SDK1: variants seen among roughly 807,000 people sequenced by gnomAD.
The protein encoded by SDK1 is sidekick cell adhesion molecule 1, also known as protein sidekick-1.
A neutral mutation model predicts 245.5 loss-of-function variants in SDK1; 157 were observed. That is an observed-to-expected ratio of 0.64 (90% CI 0.56 to 0.73). The LOEUF (loss-of-function observed/expected upper bound fraction) is 0.73, where lower values mean the gene tolerates loss of function less well. SDK1 is among the 30% of genes least tolerant of loss of function. SDK1 has a pLI of 0.00. For synonymous variants in SDK1, 1,647 were observed against 1,278.5 expected, an observed-to-expected ratio of 1.29 and a Z score of -6.15; for missense variants, 3,583 against 3,002.3, an observed-to-expected ratio of 1.19 and a Z score of -4.52.
chr7:3,926,285 A>G (rs903268735), intron 5 of SDK1, among the ~76,000 whole-genome samples: 6 of 152,328 alleles, frequency 3.9e-5, no homozygotes, highest in African/African-American at 1.4e-4. Flanking sequence ...TGGGGCTGTC[A>G]TGAGCAATGA....
chr7:4,017,033 T>A (rs865818129), intron 16 of SDK1, 138 bp from the exon 17 acceptor site: 7 of 710,540 alleles, frequency 9.9e-6, no homozygotes, highest in Middle Eastern at 4.3e-4. Context: ...GGAAATAGTA[T>A]TGTTTAGGGC....
chr7:3,310,491 G>A (rs1479306509), intron 1 of SDK1, among the ~76,000 whole-genome samples: 1 of 152,140 alleles, frequency 6.6e-6, no homozygotes. Flanking sequence ...AAATACATGG[G>A]ATTTGGTCAT....
At chr7:3,924,789 CAT>C (rs1779711109) in intron 5 of SDK1, among the ~76,000 whole-genome samples, 1 of 152,290 alleles carries the variant, frequency 6.6e-6, no homozygotes, top group East Asian at 1.9e-4. Flanking sequence ...TCCTAGCTGT[CAT>C]AGCTCTTCCC....
At chr7:3,512,915 T>A (rs1476880787) in intron 1 of SDK1, among the ~76,000 whole-genome samples, 1 of 152,174 alleles carries the variant, frequency 6.6e-6, no homozygotes, top group East Asian at 1.9e-4. Flanking sequence ...CATTCACCTA[T>A]TCTTAGAAAT....
At chr7:3,647,498 C>G (rs1269449792) in intron 4 of SDK1, among the ~76,000 whole-genome samples, 1 of 152,186 alleles carries the variant, frequency 6.6e-6, no homozygotes, top group African/African-American at 2.4e-5. Context: ...ATGATCTCAG[C>G]TCACTGCAAC....
intron 1 of SDK1, among the ~76,000 whole-genome samples, chr7:3,353,817 A>T (rs1390342842): frequency 1.1e-5 from 1 of 89,814 alleles, no homozygotes; most frequent in African/African-American, 3.2e-5. Context: ...TAGAAAAAGC[A>T]GCCTCCCATG....
At chr7:3,788,283 G>T (rs903849031) in intron 4 of SDK1, among the ~76,000 whole-genome samples, 3 of 152,164 alleles carry the variant, frequency 2.0e-5, no homozygotes, top group Non-Finnish European at 4.4e-5. Flanking sequence ...CAGAAACCTG[G>T]TCTCACCTTG....
chr7:3,746,106 C>A (rs1167289345), intron 4 of SDK1, among the ~76,000 whole-genome samples: 2 of 152,134 alleles, frequency 1.3e-5, no homozygotes, highest in African/African-American at 2.4e-5. Context: ...GGGTTTGCTC[C>A]AGACTACCCC....
intron 5 of SDK1, among the ~76,000 whole-genome samples, chr7:3,823,869 A>T (rs918726425): frequency 6.6e-6 from 1 of 152,120 alleles, no homozygotes. Context: ...CCTTATTTTA[A>T]TTCTTAGGAG....
At chr7:3,839,220 T>C (rs1780099116) in intron 5 of SDK1, among the ~76,000 whole-genome samples, 1 of 152,166 alleles carries the variant, frequency 6.6e-6, no homozygotes, top group African/African-American at 2.4e-5. Flanking sequence ...CAGCAAACCC[T>C]CCTCTTCCTT....
intron 1 of SDK1, among the ~76,000 whole-genome samples, chr7:3,330,918 A>G (rs1780053356): frequency 1.3e-5 from 2 of 150,862 alleles, no homozygotes; most frequent in South Asian, 4.2e-4. Flanking sequence ...GTAAACTTTG[A>G]TCCTGTCATT....
intron 1 of SDK1, among the ~76,000 whole-genome samples, chr7:3,591,049 A>T (rs910164413): frequency 4.6e-5 from 7 of 152,146 alleles, no homozygotes; most frequent in African/African-American, 1.7e-4. Flanking sequence ...AAAGTTAAGA[A>T]CAACGGTTTA....
At chr7:3,658,403 A>G (rs564342019) in intron 4 of SDK1, among the ~76,000 whole-genome samples, 4 of 152,156 alleles carry the variant, frequency 2.6e-5, no homozygotes, top group South Asian at 4.2e-4. Context: ...AAAAAGATCA[A>G]TACAATGAGT....
intron 1 of SDK1, among the ~76,000 whole-genome samples, chr7:3,403,783 C>G (rs368685319): frequency 7.3e-6 from 1 of 136,662 alleles, no homozygotes; most frequent in Non-Finnish European, 1.6e-5. Context: ...TACTGGGGTA[C>G]TCTGTTTCCA....
intron 1 of SDK1, among the ~76,000 whole-genome samples, chr7:3,589,219 T>C (rs904372287): frequency 2.3e-4 from 35 of 152,256 alleles, no homozygotes; most frequent in Admixed American, 2.0e-3. Context: ...TCACAGTTGG[T>C]GCGGACTCTT....
chr7:3,596,867 A>G (rs777392854), intron 1 of SDK1, among the ~76,000 whole-genome samples: 1 of 152,206 alleles, frequency 6.6e-6, no homozygotes, highest in African/African-American at 2.4e-5. Context: ...CATAAAAGAT[A>G]GAAGTGAGGT....
chr7:4,056,583 C>A (rs1427524861), intron 19 of SDK1, among the ~76,000 whole-genome samples: 2 of 152,092 alleles, frequency 1.3e-5, no homozygotes, highest in African/African-American at 4.8e-5. Flanking sequence ...AAGGGAGAGA[C>A]CCCCGTGGTC....
chr7:4,007,002 C>T (rs377578358), intron 14 of SDK1, among the ~76,000 whole-genome samples: 1 of 152,248 alleles, frequency 6.6e-6, no homozygotes, highest in Admixed American at 6.5e-5. Flanking sequence ...CAACAGTTGT[C>T]CTCTTGACTG....
rs867478493 is a variant in SDK1 at position 4,052,174 on chromosome 7, C to A, written c.2911+344C>A. ...CCCTCACCTGCTTCCATGATCCCCC[C>A]CCCCCCGACGTCCCCCAGCCCATTC... is the stretch of plus-strand genomic sequence containing the variant. On this transcript the variant is annotated intron_variant, in intron 19 of 44. Transcript: ENST00000404826. Among the ~76,000 whole-genome samples the A allele has an allele frequency of 2.1e-4, 31 of 147,952 alleles. 1 individual carries two copies. Among genetic ancestry groups the A allele is most frequent in the Admixed American group, 1.7e-3 (25 of 14,740 alleles).
Sources: allele counts gnomAD v4.1 joint callset (sites outside exome capture counted in the v4.1 genomes callset), GRCh38; gene constraint gnomAD v4.1.1; transcripts MANE v1.5; gene names NCBI Gene and HGNC (gene_info 2026-07-23, HGNC 2026-07-21).